The following ZNF578 variants were observed in gnomAD, a reference collection of about 807,000 sequenced individuals.
The protein encoded by ZNF578 is Putative chemokine-related protein B42.
A neutral mutation model predicts 8.3 loss-of-function variants in ZNF578; 8 were observed. The ratio of observed to expected loss-of-function variants is 0.96; its 90% CI spans 0.56 to 1.74. ZNF578 has a LOEUF of 1.74. Ranked by LOEUF, ZNF578 falls within the 40% of genes most tolerant of loss-of-function variation. The pLI is 0.00. For missense variants in ZNF578, 726 were observed against 707.5 expected (o/e 1.03, Z -0.30); for synonymous variants, 206 against 232.2 (o/e 0.89, Z 1.03).
At chr19:52,469,883 CA>C (rs1219254590) in intron 2 of ZNF578, among the ~76,000 whole-genome samples, 1 of 152,162 alleles carries the variant, frequency 6.6e-6, no homozygotes, top group East Asian at 1.9e-4. Flanking sequence ...CTGAAATTGC[CA>C]AAAATCAGAC....
rs1230569093 is a variant in ZNF578 at position 52,513,642 on chromosome 19, A to T, written c.*1488A>T. ...CTACTCAGGGGGCTGAGGCTGGACA[A>T]TGGTGTGAACCCAGGAGGCGGTGCT... On this transcript the variant is annotated 3_prime_UTR_variant, in exon 6 of 6. Transcript: ENST00000421239. Among the ~76,000 whole-genome samples, 1 of 150,496 alleles carries T rather than the reference A, an allele frequency of 6.6e-6. No homozygotes were observed. Among genetic ancestry groups the T allele is most frequent in the Non-Finnish European group, 1.5e-5 (1 of 67,804 alleles).
At chr19:52,506,462 C>CTTTTTTTTTTTTTTTTTTTTTT in intron 5 of ZNF578, among the ~76,000 whole-genome samples, 1 of 109,148 alleles carries the variant, frequency 9.2e-6, no homozygotes, top group African/African-American at 3.3e-5. Flanking sequence ...AGTACAGTTT[C>CTTTTTTTTTTTTTTTTTTTTTT]TTTTTTTTTT....
chr19:52,496,781 G>A (rs1359510855), intron 3 of ZNF578, among the ~76,000 whole-genome samples: 1 of 151,570 alleles, frequency 6.6e-6, no homozygotes, highest in Non-Finnish European at 1.5e-5. Context: ...ATGATTACAG[G>A]CACGCAGCAC....
At chr19:52,465,021 A>G (rs2059270115) in intron 2 of ZNF578, among the ~76,000 whole-genome samples, 1 of 152,202 alleles carries the variant, frequency 6.6e-6, no homozygotes, top group African/African-American at 2.4e-5. Flanking sequence ...AGCATGCGCC[A>G]TCTGCCGGAC....
chr19:52,465,614 C>G (rs1452667517), intron 2 of ZNF578, among the ~76,000 whole-genome samples: 3 of 152,180 alleles, frequency 2.0e-5, no homozygotes, highest in Non-Finnish European at 4.4e-5. Flanking sequence ...CCCAGTCTTT[C>G]AATTCCAAAG....
intron 2 of ZNF578, 104 bp downstream of exon 2, chr19:52,457,062 A>T (rs960478178): frequency 6.6e-6 from 1 of 152,646 alleles, no homozygotes; most frequent in African/African-American, 2.4e-5. Context: ...TTCCTGGCTT[A>T]TAACCTCCAT....
chr19:52,498,700 T>C (rs1410263337), intron 3 of ZNF578, among the ~76,000 whole-genome samples: 3 of 148,922 alleles, frequency 2.0e-5, no homozygotes, highest in African/African-American at 7.5e-5. Flanking sequence ...TTTTTTTTTT[T>C]TGTAAGACAG....
chr19:52,510,186 CATTT>C (rs1216750078), intron 5 of ZNF578, among the ~76,000 whole-genome samples: 5 of 149,920 alleles, frequency 3.3e-5, no homozygotes, highest in African/African-American at 9.8e-5. Flanking sequence ...TTTTTTTTTG[CATTT>C]ATTTGTACAC....
At chr19:52,496,967 C>T (rs1032235998) in intron 3 of ZNF578, among the ~76,000 whole-genome samples, 7 of 152,066 alleles carry the variant, frequency 4.6e-5, no homozygotes, top group Admixed American at 4.6e-4. Flanking sequence ...GACACTCTTG[C>T]TGTTGTCCAG....
At chr19:52,493,782 C>A (rs1210545073) in intron 3 of ZNF578, among the ~76,000 whole-genome samples, 3 of 151,006 alleles carry the variant, frequency 2.0e-5, no homozygotes, top group Non-Finnish European at 4.4e-5. Flanking sequence ...CCTGAGGTCC[C>A]GAGTTCGAGA....
Position 52,496,311 on chromosome 19 carries a change from C to A in ZNF578, c.-20+4886C>A, listed in dbSNP as rs771838486. Among the ~76,000 whole-genome samples, 71 of 136,634 alleles carry A rather than the reference C, an allele frequency of 5.2e-4. 1 individual carries two copies. Among genetic ancestry groups the A allele is most frequent in the Non-Finnish European group, 1.8e-4 (11 of 60,400 alleles). The allele number at this position is 136,634 out of a possible 152,430, so 89.6% of individuals were successfully genotyped here. A position where few individuals can be genotyped will look rare whatever the true frequency, so the allele number is the denominator to read the frequency against. On this transcript the variant is annotated intron_variant, in intron 3 of 5. Transcript: ENST00000421239. ...GATTACAGGCATGAGCCACCACGCT[C>A]GGCCTCATTTGTTGTTATTTATTTA...
In ZNF578 at chr19:52,512,428, G is replaced by A. The variant is rs138197945; in HGVS notation, c.*274G>A. On this transcript the variant is annotated 3_prime_UTR_variant, in exon 6 of 6. Transcript: ENST00000421239. The stretch of plus-strand genomic sequence containing the variant: ...AATCCATAATGAAGAGAGATCTTCC[G>A]AGTGTAATAAATGTGGCAAATTTTT... 7.2e-4 allele frequency: 1,041 copies of A among 1,439,514 alleles called. 7 individuals carry two copies. The East Asian group carries it at 0.022, about 30-fold the overall frequency. 89.2% of individuals were successfully genotyped at this position (1,439,514 alleles called of 1,614,324 possible).
rs914087968 is a variant in ZNF578 at position 52,459,214 on chromosome 19, C to T, written c.-122+2256C>T. ...CAACATATCTAGAAGTTTTTCATCT[C>T]GCAAAACTGAAACTGTATACCCAGA... On this transcript the variant is annotated intron_variant, in intron 2 of 5. Coordinates refer to ENST00000421239, the MANE Select transcript of ZNF578 (RefSeq NM_001099694.2). Among the ~76,000 whole-genome samples the T allele has an allele frequency of 2.6e-5, 4 of 152,162 alleles. No individual in the cohort carries two copies. In the East Asian group the frequency reaches 5.8e-4, roughly 22 times the overall value.
At chr19:52,481,226 C>A (rs1019905458) in intron 2 of ZNF578, among the ~76,000 whole-genome samples, 4 of 152,200 alleles carry the variant, frequency 2.6e-5, no homozygotes, top group African/African-American at 9.6e-5. Flanking sequence ...TGTCCCCATT[C>A]ATCTGATCAA....
chr19:52,489,389 AGAT>A (rs2059357417), intron 2 of ZNF578, among the ~76,000 whole-genome samples: 1 of 151,994 alleles, frequency 6.6e-6, no homozygotes, highest in Non-Finnish European at 1.5e-5. Flanking sequence ...CGGGGGTTGG[AGAT>A]CAGCCTGACC....
intron 3 of ZNF578, chr19:52,492,733 C>G (rs1432598855): frequency 6.6e-6 from 1 of 152,276 alleles, no homozygotes; most frequent in Non-Finnish European, 1.5e-5. Flanking sequence ...AAGGTCTCTC[C>G]GCCTCGCGCT....
intron 3 of ZNF578, among the ~76,000 whole-genome samples, chr19:52,494,066 A>G (rs1055584331): frequency 1.3e-5 from 2 of 151,990 alleles, no homozygotes; most frequent in African/African-American, 2.4e-5. Context: ...GGAAGAATGG[A>G]ATAAATAGCA....
rs1420201140 is a variant in ZNF578, at chr19:52,511,181, T to G, written c.800T>G (p.Val267Gly). ...TATAAATTTGATATATGTGGCAAAG[T>G]CTTTAATGAGAAGCGATACCTTGCA... Reference protein sequence around the residue: ...KQYKFDICGKVFNEKRYLARH... With the variant: ...KQYKFDICGKGFNEKRYLARH... Residue 267 changes from valine (V) to glycine (G), a missense_variant, in exon 6 of 6, where the codon GTC (valine) becomes GGC (glycine). Coordinates refer to ENST00000421239, the MANE Select transcript of ZNF578 (RefSeq NM_001099694.2). The G allele has an allele frequency of 2.5e-6, 4 of 1,614,208 alleles. No individual in the cohort carries two copies. In the Admixed American group the frequency reaches 6.7e-5, roughly 27 times the overall value.
At chr19:52,481,934 T>C (rs897732807) in intron 2 of ZNF578, among the ~76,000 whole-genome samples, 2 of 152,126 alleles carry the variant, frequency 1.3e-5, no homozygotes, top group African/African-American at 4.8e-5. Flanking sequence ...GGTTTCACTA[T>C]GTTTCCCAGG....
Sources: gnomAD v4.1 joint callset for allele counts (sites outside exome capture counted in the v4.1 genomes callset) on GRCh38, gnomAD v4.1.1 for gene constraint, MANE v1.5 for transcripts, NCBI Gene and HGNC (gene_info 2026-07-23, HGNC 2026-07-21) for gene names.